Variants in ARHGEF40 observed in about 807,000 individuals in gnomAD.
ARHGEF40 encodes the protein Rho guanine nucleotide exchange factor (GEF) 40.
Under a neutral mutation model 165.9 loss-of-function variants are expected in ARHGEF40, and 98 were observed. The ratio of observed to expected loss-of-function variants is 0.59; its 90% CI spans 0.50 to 0.70. ARHGEF40 has a LOEUF of 0.70. Among genes scored for constraint, ARHGEF40 ranks in the 30% least tolerant of loss-of-function variants. ARHGEF40 has a pLI of 0.00. For synonymous variants in ARHGEF40, 792 were observed against 814.3 expected (o/e 0.97, Z 0.47); for missense variants, 1,815 against 1,968.0 (o/e 0.92, Z 1.47).
intron 19 of ARHGEF40, chr14:21,086,777 T>G: frequency 2.0e-6 from 1 of 510,806 alleles, no homozygotes; most frequent in African/African-American, 1.9e-5. Context: ...ATGCAACATA[T>G]TGGAGAGAAG....
rs1260805265 is a variant in ARHGEF40 at position 21,081,966 on chromosome 14, G to C, written c.3098G>C (p.Arg1033Thr). 44 of 1,598,628 alleles carry C rather than the reference G, an allele frequency of 2.8e-5. No homozygotes were observed. The highest frequency in any genetic ancestry group is 3.7e-5 in the Non-Finnish European group (43 of 1,172,724). Residue 1033 changes from arginine to threonine, a missense_variant, in exon 14 of 24, where the codon AGA becomes ACA. Arg to Thr is a moderately conservative substitution (Grantham distance 71). Transcript: ENST00000298694. ...CCAGAAGCAGAGGGCAGGCCCCCAA[G>C]AGCTGTGCTGATCCGAGGCCTGGAG... ...LAPEAEGRPP[R>T]AVLIRGLEVT...
Position 21,082,028 on chromosome 14 carries a change from C to T in ARHGEF40, c.3160C>T (p.Pro1054Ser). 2 of 1,567,824 alleles carry T rather than the reference C, an allele frequency of 1.3e-6. No individual in the cohort carries two copies. Among genetic ancestry groups the T allele is most frequent in the African/African-American group, 2.7e-5 (2 of 73,856 alleles). ...STEVVDRTCSPREHVLLGRAR... is the reference protein window; with the variant it reads ...STEVVDRTCSSREHVLLGRAR... ...TGAGGTGGTAGACAGGACGTGCTCACCACGGGAACACGTGCTGCTGGGCCG... is the reference window on the plus strand; with the variant it reads ...TGAGGTGGTAGACAGGACGTGCTCATCACGGGAACACGTGCTGCTGGGCCG... Residue 1054 changes from proline to serine, a missense_variant, in exon 14 of 24, where the codon CCA becomes TCA. By Grantham distance (74) the Pro-to-Ser change is moderately conservative (BLOSUM62 -1). Transcript: ENST00000298694.
intron 15 of ARHGEF40, 35 bp from the exon 16 acceptor site, chr14:21,082,796 A>G: frequency 6.2e-7 from 1 of 1,603,398 alleles, no homozygotes; most frequent in Non-Finnish European, 8.5e-7. Context: ...CAGCGGCCTC[A>G]CCGGGGACTC....
intron 11 of ARHGEF40, 42 bp downstream of exon 11, chr14:21,079,052 T>C (rs1325897643): frequency 6.3e-7 from 1 of 1,587,682 alleles, no homozygotes. Flanking sequence ...AGCCTGGGAG[T>C]GTGGCCTCCA....
At chr14:21,084,393 C>T (rs1168466321) in intron 17 of ARHGEF40, among the ~76,000 whole-genome samples, 1 of 152,216 alleles carries the variant, frequency 6.6e-6, no homozygotes, top group Non-Finnish European at 1.5e-5. Flanking sequence ...TTTTTCCAGC[C>T]CTGAGGTTCC....
Position 21,082,457 on chromosome 14 carries a change from T to C in ARHGEF40, c.3465T>C (p.Ile1155=). 6.3e-7 allele frequency: 1 copy of C among 1,595,710 alleles called. No homozygotes were observed. Among genetic ancestry groups the C allele is most frequent in the Non-Finnish European group, 8.6e-7 (1 of 1,168,958 alleles). Residue 1155 remains isoleucine (I), a synonymous_variant, in exon 15 of 24, where the codon ATT becomes ATC. Transcript: ENST00000298694. ...LQGCATHPLR[I]GACFLRHGDQ... ...GCTGCGCCACCCACCCCCTACGCAT[T>C]GGGGCCTGCTTCCTTCGCCACGTGA...
At chr14:21,062,948 TA>T in the ARHGEF40 span, among the ~76,000 whole-genome samples, 23,723 of 128,108 alleles carry the variant, frequency 0.19, 2,242 homozygotes, top group Admixed American at 0.25. Context: ...ACCTTGTCTC[TA>T]AAAAAAAAAA....
intron 19 of ARHGEF40, 45 bp downstream of exon 19, chr14:21,085,911 T>C (rs1888300695): frequency 6.2e-7 from 1 of 1,602,978 alleles, no homozygotes; most frequent in African/African-American, 1.3e-5. Flanking sequence ...GTCAGGGTTA[T>C]AGCAGGAAGT....
Position 21,076,605 on chromosome 14 carries a change from A to G in ARHGEF40, c.1879A>G (p.Ile627Val). The change falls in exon 7 of 24, where the codon ATT becomes GTT. Residue 627 changes from isoleucine (I) to valine (V), a missense_variant. Coordinates refer to ENST00000298694, the MANE Select transcript of ARHGEF40 (RefSeq NM_018071.5). The part of the protein sequence containing the change: ...PPLVQRLLIL[I>V]HDDLPTELCG... The stretch of plus-strand genomic sequence containing the variant: ...CCTTGTTCAGCGGCTGCTGATTCTC[A>G]TTCATGATGACCTTCCAACTGAACT... 6 of 1,614,190 alleles carry G rather than the reference A, an allele frequency of 3.7e-6. No individual in the cohort carries two copies. The highest frequency in any genetic ancestry group is 5.1e-6 in the Non-Finnish European group (6 of 1,180,046).
At position 21,082,069 on chromosome 14, in the gene ARHGEF40, C is replaced by A. The variant is rs768385826; in HGVS notation, c.3201C>A (p.Asp1067Glu). 2 of 1,559,944 alleles carry A rather than the reference C, an allele frequency of 1.3e-6. No individual in the cohort carries two copies. The highest frequency in any genetic ancestry group is 1.7e-6 in the Non-Finnish European group (2 of 1,151,872). The change falls in exon 14 of 24, where the codon GAC (aspartate) becomes GAA (glutamate). Residue 1067 changes from aspartate (D) to glutamate (E), a missense_variant. By Grantham distance (45) the Asp-to-Glu change is conservative. Coordinates refer to ENST00000298694, the MANE Select transcript of ARHGEF40 (RefSeq NM_018071.5). ...HVLLGRARGP[D>E]GPWGVGTPRM... Reference sequence around the variant, plus strand: ...TGCTGGGCCGGGCTAGGGGGCCAGACGGACCCTGGGGAGTAGGCACCCCCC... The same window carrying A: ...TGCTGGGCCGGGCTAGGGGGCCAGAAGGACCCTGGGGAGTAGGCACCCCCC...
intron 1 of ARHGEF40, among the ~76,000 whole-genome samples, chr14:21,071,056 G>A (rs1446887806): frequency 6.6e-6 from 1 of 152,168 alleles, no homozygotes. Context: ...AGAGTTTGCG[G>A]AGGAGGAAAG....
At position 21,087,473 on chromosome 14, in the gene ARHGEF40, C is replaced by G; in HGVS notation, c.4387+10C>G. 1.2e-6 allele frequency: 2 copies of G among 1,600,310 alleles called. No homozygotes were observed. Among genetic ancestry groups the G allele is most frequent in the Non-Finnish European group, 1.7e-6 (2 of 1,179,758 alleles). On this transcript the variant is annotated intron_variant, in intron 21 of 23. Transcript: ENST00000298694. ...AAGCAAATTTCCCTGGGTGAGGCAC[C>G]TCTCAAGGGGTGGCTCCCAACAGCT...
At chr14:21,083,013 C>A in intron 16 of ARHGEF40, 96 bp downstream of exon 16, 1 of 1,051,302 alleles carries the variant, frequency 9.5e-7, no homozygotes. Flanking sequence ...ACTGGATATG[C>A]CCAGGAACAT....
rs1888650180 is a variant in ARHGEF40 at position 21,089,469 on chromosome 14, A to C, written c.*461A>C. On this transcript the variant is annotated 3_prime_UTR_variant, in exon 24 of 24. Coordinates refer to ENST00000298694, the MANE Select transcript of ARHGEF40 (RefSeq NM_018071.5). ...GCTATGCAAACAATAGGAGGGTGTG[A>C]CAGGGGAACCGTAGACTTTATATAT... 6.5e-6 allele frequency: 1 copy of C among 152,846 alleles called. No individual in the cohort carries two copies. The highest frequency in any genetic ancestry group is 6.5e-5 in the Admixed American group (1 of 15,292). 9.5% of individuals were successfully genotyped at this position (152,846 alleles called of 1,614,324 possible).
intron 11 of ARHGEF40, 49 bp downstream of exon 11, chr14:21,079,059 T>G (rs1887665458): frequency 6.3e-7 from 1 of 1,577,050 alleles, no homozygotes; most frequent in Non-Finnish European, 8.6e-7. Context: ...GAGTGTGGCC[T>G]CCAGCACCTT....
chr14:21,072,896 A>C lies in ARHGEF40; in HGVS notation c.4-149A>C, dbSNP rs547623073. The C allele has an allele frequency of 6.3e-6, 5 of 799,412 alleles. No homozygotes were observed. In the African/African-American group the frequency reaches 6.9e-5, roughly 11 times the overall value. 49.5% of individuals were successfully genotyped at this position (799,412 alleles called of 1,614,324 possible). On this transcript the variant is annotated intron_variant, in intron 1 of 23. Coordinates refer to ENST00000298694, the MANE Select transcript of ARHGEF40 (RefSeq NM_018071.5). This position sits in a 1 kb window ranked among gnomAD's most constrained non-coding sequence, Gnocchi z 4.1. The stretch of plus-strand genomic sequence containing the variant: ...CCAGCCCCACTCCTGTTCTGGGCTC[A>C]TCAGCCAGCATTTCCTGAGTGCTCA...
chr14:21,066,946 G>A (rs984004316), upstream of ARHGEF40, among the ~76,000 whole-genome samples: 1 of 152,170 alleles, frequency 6.6e-6, no homozygotes. Context: ...TTGGAAGGCA[G>A]AGCTAACAAG....
In ARHGEF40 at chr14:21,082,426, T is replaced by C; in HGVS notation, c.3434T>C (p.Leu1145Pro). 6.2e-7 allele frequency: 1 copy of C among 1,608,494 alleles called. No individual in the cohort carries two copies. Reference sequence around the variant, plus strand: ...CACCGGACACACTTTCTGCGGGAGCTTCAGGGCTGCGCCACCCACCCCCTA... The same window carrying C: ...CACCGGACACACTTTCTGCGGGAGCCTCAGGGCTGCGCCACCCACCCCCTA... The part of the protein sequence containing the change: ...SFHRTHFLRE[L>P]QGCATHPLRI... The change falls in exon 15 of 24, where the codon CTT becomes CCT. Residue 1145 changes from leucine (L) to proline (P), a missense_variant. Coordinates refer to ENST00000298694, the MANE Select transcript of ARHGEF40 (RefSeq NM_018071.5).
In ARHGEF40 at chr14:21,079,019, G is replaced by A; in HGVS notation, c.2373+9G>A. Reference sequence around the variant, plus strand: ...TGCGGCGACTCCAGCAGGTGAGCCAGGATCCCCACGTCCCTCTTACTCAGC... The same window carrying A: ...TGCGGCGACTCCAGCAGGTGAGCCAAGATCCCCACGTCCCTCTTACTCAGC... On this transcript the variant is annotated intron_variant, in intron 11 of 23. Coordinates refer to ENST00000298694, the MANE Select transcript of ARHGEF40 (RefSeq NM_018071.5). 1.2e-6 allele frequency: 2 copies of A among 1,610,094 alleles called. No homozygotes were observed. Among genetic ancestry groups the A allele is most frequent in the Non-Finnish European group, 1.7e-6 (2 of 1,178,020 alleles).
Sources: allele counts gnomAD v4.1 joint callset (sites outside exome capture counted in the v4.1 genomes callset), GRCh38; gene constraint gnomAD v4.1.1; non-coding constraint Gnocchi (gnomAD v3.1); transcripts MANE v1.5; gene names NCBI Gene and HGNC (gene_info 2026-07-23, HGNC 2026-07-21).